The following IL1RL1 variants were observed in gnomAD, a reference collection of about 807,000 sequenced individuals.
IL1RL1 encodes the protein interleukin-1 receptor-like 1.
In IL1RL1, 32 loss-of-function variants were observed where a neutral mutation model predicts 50.9. That is an observed-to-expected ratio of 0.63 (90% CI 0.47 to 0.84). IL1RL1 has a LOEUF of 0.84. Ranked by LOEUF, IL1RL1 falls within the 40% of genes least tolerant of loss-of-function variation. The pLI is 0.00. For missense variants in IL1RL1, 773 were observed against 662.9 expected, an observed-to-expected ratio of 1.17 and a Z score of -1.82; for synonymous variants, 275 against 236.0, an observed-to-expected ratio of 1.17 and a Z score of -1.51.
chr2:102,340,229 C>G lies in IL1RL1; in HGVS notation c.404C>G (p.Thr135Ser). Residue 135 changes from threonine (T) to serine (S), a missense_variant, in exon 4 of 11, where the codon ACC becomes AGC. Thr to Ser is a moderately conservative substitution (Grantham distance 58). Coordinates refer to ENST00000233954, the MANE Select transcript of IL1RL1 (RefSeq NM_016232.5). ...SEKNSKIYCP[T>S]IDLYNWTAPL... The stretch of plus-strand genomic sequence containing the variant: ...AAAAATTCCAAAATTTATTGTCCTA[C>G]CATTGACCTCTACAACTGGACAGCA... 6.2e-7 allele frequency: 1 copy of G among 1,605,308 alleles called. No individual in the cohort carries two copies. Among genetic ancestry groups the G allele is most frequent in the Non-Finnish European group, 8.5e-7 (1 of 1,177,856 alleles).
chr2:102,311,691 AT>A (rs1209469836), intron 1 of IL1RL1, 68 bp downstream of exon 1: 4 of 141,036 alleles, frequency 2.8e-5, no homozygotes, highest in Non-Finnish European at 6.0e-5. Flanking sequence ...TCACATACGA[AT>A]TTAGGTCATT....
intron 1 of IL1RL1, among the ~76,000 whole-genome samples, chr2:102,330,171 T>C (rs1288183500): frequency 6.6e-6 from 1 of 152,188 alleles, no homozygotes; most frequent in Non-Finnish European, 1.5e-5. Context: ...AAAAAGATGA[T>C]GAGTTCATGT....
chr2:102,352,292 G>A (rs1677958207), downstream of IL1RL1, among the ~76,000 whole-genome samples: 1 of 146,296 alleles, frequency 6.8e-6, no homozygotes, highest in South Asian at 2.1e-4. Flanking sequence ...AGATTTTCAC[G>A]TCACTTGAAG....
chr2:102,318,368 T>C (rs1676740729), intron 1 of IL1RL1, among the ~76,000 whole-genome samples: 1 of 148,482 alleles, frequency 6.7e-6, no homozygotes, highest in East Asian at 1.9e-4. Context: ...GGTATAAGGA[T>C]ACCTCCAAGG....
downstream of IL1RL1, chr2:102,352,088 A>AAGG: frequency 3.1e-6 from 2 of 655,402 alleles, no homozygotes; most frequent in Non-Finnish European, 4.9e-6. Flanking sequence ...GGGTGGATGC[A>AAGG]AAATGGCCAG....
chr2:102,341,663 T>G (rs1677569680), intron 5 of IL1RL1, among the ~76,000 whole-genome samples: 1 of 152,206 alleles, frequency 6.6e-6, no homozygotes, highest in Admixed American at 6.5e-5. Flanking sequence ...ACAGTGGTCC[T>G]TAATCACACT....
chr2:102,351,714 G>T lies in IL1RL1; in HGVS notation c.1464G>T (p.Leu488=). 6.2e-7 allele frequency: 1 copy of T among 1,614,064 alleles called. No homozygotes were observed. Among genetic ancestry groups the T allele is most frequent in the South Asian group, 1.1e-5 (1 of 91,086 alleles). ...TTGAGATGGAGGCTCTGAGCGAGCT[G>T]GACATGCTGCAGGCTGAGGCGCTTC... The part of the protein sequence containing the change: ...ILIEMEALSE[L]DMLQAEALQD... The change falls in exon 11 of 11, where the codon CTG becomes CTT. Residue 488 remains leucine, a synonymous_variant. Transcript: ENST00000233954.
chr2:102,345,722 T>C (rs774126315), intron 8 of IL1RL1: 7 of 985,292 alleles, frequency 7.1e-6, no homozygotes, highest in Non-Finnish European at 7.2e-6. Context: ...TCATAACTCA[T>C]GTAGATGGCT....
intron 1 of IL1RL1, among the ~76,000 whole-genome samples, chr2:102,330,584 A>T (rs971135149): frequency 6.6e-6 from 1 of 152,220 alleles, no homozygotes; most frequent in Non-Finnish European, 1.5e-5. Flanking sequence ...CTTATTGAAC[A>T]TTGATATATT....
chr2:102,325,232 A>G (rs1039580938), intron 1 of IL1RL1, among the ~76,000 whole-genome samples: 44 of 152,204 alleles, frequency 2.9e-4, no homozygotes, highest in Non-Finnish European at 8.8e-5. Flanking sequence ...GCTGATACCC[A>G]GGCAAACAGG....
At position 102,340,669 on chromosome 2, in the gene IL1RL1, T is replaced by C. The variant is rs780209393; in HGVS notation, c.451T>C (p.Cys151Arg). The C allele has an allele frequency of 1.9e-6, 3 of 1,582,718 alleles. No individual in the cohort carries two copies. The East Asian group carries it at 6.9e-5, about 36-fold the overall frequency. The change falls in exon 5 of 11, where the codon TGT (cysteine) becomes CGT (arginine). Residue 151 changes from cysteine (C) to arginine (R), a missense_variant. Cys to Arg is a radical substitution (Grantham distance 180). Coordinates refer to ENST00000233954, the MANE Select transcript of IL1RL1 (RefSeq NM_016232.5). ...WTAPLEWFKNCQALQGSRYRA... is the reference protein window; with the variant it reads ...WTAPLEWFKNRQALQGSRYRA... ...GAAATGGAATTTCTTATTTCAGAAT[T>C]GTCAGGCTCTTCAAGGATCAAGGTA...
At chr2:102,315,288 C>T (rs1676645178) in intron 1 of IL1RL1, among the ~76,000 whole-genome samples, 1 of 147,990 alleles carries the variant, frequency 6.8e-6, no homozygotes, top group Non-Finnish European at 1.5e-5. Flanking sequence ...CCCACTCTCC[C>T]TGTCTACCCA....
chr2:102,319,151 T>C (rs1676763510), intron 1 of IL1RL1, among the ~76,000 whole-genome samples: 1 of 152,186 alleles, frequency 6.6e-6, no homozygotes, highest in African/African-American at 2.4e-5. Context: ...CTTATTGCAA[T>C]GTGTTTGGCT....
chr2:102,345,896 T>C (rs1677767690), intron 8 of IL1RL1: 3 of 985,460 alleles, frequency 3.0e-6, no homozygotes, highest in Non-Finnish European at 3.6e-6. Context: ...CCACTCACAC[T>C]GCCCTTGTGT....
At position 102,338,289 on chromosome 2, in the gene IL1RL1, C is replaced by A; in HGVS notation, c.25C>A (p.Leu9Ile). The A allele has an allele frequency of 6.2e-7, 1 of 1,605,900 alleles. No homozygotes were observed. Among genetic ancestry groups the A allele is most frequent in the Non-Finnish European group, 8.5e-7 (1 of 1,174,092 alleles). ...AATGGGGTTTTGGATCTTAGCAATT[C>A]TCACAATTCTCATGTATTCCACAGC... MGFWILAILTILMYSTAAK... is the reference protein window; with the variant it reads MGFWILAIITILMYSTAAK... Residue 9 changes from leucine to isoleucine, a missense_variant, in exon 2 of 11, where the codon CTC becomes ATC. Transcript: ENST00000233954.
chr2:102,342,238 C>T lies in IL1RL1; in HGVS notation c.626C>T (p.Ser209Phe). 1.2e-6 allele frequency: 2 copies of T among 1,610,788 alleles called. No individual in the cohort carries two copies. Among genetic ancestry groups the T allele is most frequent in the South Asian group, 1.1e-5 (1 of 90,980 alleles). The change falls in exon 6 of 11, where the codon TCT becomes TTT. Residue 209 changes from serine (S) to phenylalanine (F), a missense_variant. Transcript: ENST00000233954. Reference sequence around the variant, plus strand: ...TGTCTTTAAGATGAGCAAGGCTTTTCTCTGTTTCCAGTAATCGGAGCCCCT... The same window carrying T: ...TGTCTTTAAGATGAGCAAGGCTTTTTTCTGTTTCCAGTAATCGGAGCCCCT... ...SFTVKDEQGF[S>F]LFPVIGAPAQ...
rs777347807 is a variant in IL1RL1 at position 102,338,340 on chromosome 2, CTAAGTA to C, written c.61+19_61+24del. The C allele has an allele frequency of 3.8e-5, 55 of 1,439,246 alleles. No homozygotes were observed. The highest frequency in any genetic ancestry group is 9.9e-5 in the African/African-American group (7 of 70,656). 89.2% of individuals were successfully genotyped at this position (1,439,246 alleles called of 1,614,324 possible). On this transcript the variant is annotated intron_variant, in intron 2 of 10. Coordinates refer to ENST00000233954, the MANE Select transcript of IL1RL1 (RefSeq NM_016232.5). Reference sequence around the variant, plus strand: ...AGCAAAGTTTAGTAAGTATTGCCTTCTAAGTATAATTTAAATTTTTATAAATTAAAT... The same window carrying C: ...AGCAAAGTTTAGTAAGTATTGCCTTCTAATTTAAATTTTTATAAATTAAAT...
chr2:102,327,681 C>T (rs1447233130), intron 1 of IL1RL1, among the ~76,000 whole-genome samples: 8 of 152,070 alleles, frequency 5.3e-5, no homozygotes, highest in African/African-American at 9.7e-5. Flanking sequence ...ATATCACCAC[C>T]GATCCCACAG....
rs756486507 is a variant in IL1RL1 at position 102,343,102 on chromosome 2, T to A, written c.749T>A (p.Leu250Gln). ...GKGTQFLAAVLWQLNGTKITD... is the reference protein window; with the variant it reads ...GKGTQFLAAVQWQLNGTKITD... ...GGCACTCAGTTCTTGGCTGCCGTCC[T>A]GTGGCAGCTTAATGGAACAAAAATT... The change falls in exon 7 of 11, where the codon CTG (leucine) becomes CAG (glutamine). Residue 250 changes from leucine to glutamine, a missense_variant. Leu to Gln is a moderately radical substitution (Grantham distance 113). Coordinates refer to ENST00000233954, the MANE Select transcript of IL1RL1 (RefSeq NM_016232.5). The A allele has an allele frequency of 6.2e-7, 1 of 1,613,992 alleles. No homozygotes were observed. Among genetic ancestry groups the A allele is most frequent in the Admixed American group, 1.7e-5 (1 of 60,016 alleles).
Sources: allele counts gnomAD v4.1 joint callset (sites outside exome capture counted in the v4.1 genomes callset), GRCh38; gene constraint gnomAD v4.1.1; transcripts MANE v1.5; gene names NCBI Gene and HGNC (gene_info 2026-07-23, HGNC 2026-07-21).